COL1A2: variants seen among roughly 807,000 people sequenced by gnomAD.
COL1A2 encodes collagen alpha-2(I) chain.
COL1A2 carries 49 observed loss-of-function variants against 174.3 expected under a neutral mutation model. The observed-to-expected ratio is 0.28, with a 90% CI of 0.22 to 0.36. The LOEUF (loss-of-function observed/expected upper bound fraction) is 0.36, where lower values mean the gene tolerates loss of function less well. COL1A2 is among the 10% of genes least tolerant of loss of function. The pLI is 1.00. For missense variants in COL1A2, 1,438 were observed against 1,822.7 expected (o/e 0.79, Z 3.84); for synonymous variants, 655 against 606.6 (o/e 1.08, Z -1.17).
At chr7:94,410,316 A>G (rs761917331) in intron 20 of COL1A2, 21 bp downstream of exon 20, 2 of 1,613,638 alleles carry the variant, frequency 1.2e-6, no homozygotes, top group South Asian at 1.1e-5. Flanking sequence ...CTATCATCAC[A>G]CTTTTATAAA....
intron 46 of COL1A2, 54 bp from the exon 47 acceptor site, chr7:94,426,951 AAAT>A (rs1792291085): frequency 3.9e-6 from 6 of 1,524,524 alleles, no homozygotes; most frequent in African/African-American, 1.4e-5. Flanking sequence ...AAAAAAAAAA[AAAT>A]ATGTCTCTTG....
chr7:94,398,456 T>C, intron 3 of COL1A2, 60 bp downstream of exon 3: 1 of 742,864 alleles, frequency 1.3e-6, no homozygotes, highest in Non-Finnish European at 2.1e-6. Flanking sequence ...ATAATTTAAC[T>C]AAATTTATAG....
chr7:94,418,802 C>T (rs1792095110), intron 33 of COL1A2, among the ~76,000 whole-genome samples: 1 of 151,860 alleles, frequency 6.6e-6, no homozygotes, highest in Non-Finnish European at 1.5e-5. Context: ...ATGATACCAA[C>T]TACAAACTAT....
Position 94,415,220 on chromosome 7 carries a change from G to C in COL1A2, c.1720-6G>C. On this transcript the variant is annotated splice_polypyrimidine_tract_variant and splice_region_variant and intron_variant, in intron 29 of 51. Transcript: ENST00000297268. ...ATTTCATGCTTTATTCTCATGTTTT[G>C]TCTAGGGTCTCCATGGTGAGTTTGG... The C allele has an allele frequency of 1.2e-6, 2 of 1,612,956 alleles. No individual in the cohort carries two copies. The highest frequency in any genetic ancestry group is 1.7e-6 in the Non-Finnish European group (2 of 1,179,002).
intron 8 of COL1A2, 45 bp from the exon 9 acceptor site, chr7:94,404,794 T>C: frequency 6.2e-7 from 1 of 1,614,174 alleles, no homozygotes; most frequent in Non-Finnish European, 8.5e-7. Flanking sequence ...CCAGGAAGTT[T>C]ATGAATATAA....
chr7:94,403,476 A>G (rs2115871466), intron 6 of COL1A2, among the ~76,000 whole-genome samples: 1 of 152,328 alleles, frequency 6.6e-6, no homozygotes, highest in East Asian at 1.9e-4. Context: ...TTGCAAATAC[A>G]TGAAAAAATA....
Position 94,427,696 on chromosome 7 carries a change from G to T in COL1A2, c.3337G>T (p.Asp1113Tyr). The change falls in exon 49 of 52, where the codon GAT (aspartate) becomes TAT (tyrosine). Residue 1113 changes from aspartate (D) to tyrosine (Y), a missense_variant. Coordinates refer to ENST00000297268, the MANE Select transcript of COL1A2 (RefSeq NM_000089.4). ...CGGTGGTGGTTATGACTTTGGTTAC[G>T]ATGGAGACTTCTACAGGGCTGACCA... ...VSGGGYDFGYDGDFYRADQPR... is the reference protein window; with the variant it reads ...VSGGGYDFGYYGDFYRADQPR... 1 of 1,614,134 alleles carries T rather than the reference G, an allele frequency of 6.2e-7. No homozygotes were observed. Among genetic ancestry groups the T allele is most frequent in the Non-Finnish European group, 8.5e-7 (1 of 1,180,024 alleles).
chr7:94,427,469 G>A, intron 48 of COL1A2, 158 bp from the exon 49 acceptor site: 2 of 1,076,862 alleles, frequency 1.9e-6, no homozygotes, highest in South Asian at 1.4e-5. Flanking sequence ...ATCCCTGCAA[G>A]TGTGCCTGGG....
In COL1A2 at chr7:94,430,332, T is replaced by G. The variant is rs1382251883; in HGVS notation, c.4040T>G (p.Leu1347Trp). Residue 1347 changes from leucine (L) to tryptophan (W), a missense_variant, in exon 52 of 52, where the codon TTG (leucine) becomes TGG (tryptophan). By Grantham distance (61) the Leu-to-Trp change is moderately conservative (BLOSUM62 -2). Transcript: ENST00000297268. ...SRLPFLDIAP[L>W]DIGGADQEFF... Reference sequence around the variant, plus strand: ...CTGCCCTTCCTTGATATTGCACCTTTGGACATCGGTGGTGCTGACCAGGAA... The same window carrying G: ...CTGCCCTTCCTTGATATTGCACCTTGGGACATCGGTGGTGCTGACCAGGAA... 6.2e-7 allele frequency: 1 copy of G among 1,614,112 alleles called. No homozygotes were observed. The highest frequency in any genetic ancestry group is 8.5e-7 in the Non-Finnish European group (1 of 1,179,950).
At chr7:94,430,020 GT>G in intron 51 of COL1A2, 5 of 572,864 alleles carry the variant, frequency 8.7e-6, no homozygotes, top group Non-Finnish European at 1.2e-5. Context: ...AATGTTGTTG[GT>G]TTTTTTGGTT....
intron 36 of COL1A2, 39 bp downstream of exon 36, chr7:94,420,483 T>G: frequency 6.2e-7 from 1 of 1,614,112 alleles, no homozygotes; most frequent in Non-Finnish European, 8.5e-7. Context: ...GAAAACATCC[T>G]AAGTTGGGGA....
At chr7:94,420,885 C>T (rs1792145720) in intron 37 of COL1A2, 124 bp from the exon 38 acceptor site, 3 of 1,023,468 alleles carry the variant, frequency 2.9e-6, no homozygotes, top group African/African-American at 1.6e-5. Context: ...CATTCTGACA[C>T]AGATAGTCAT....
At chr7:94,419,622 C>G in intron 34 of COL1A2, 71 bp downstream of exon 34, 2 of 1,541,436 alleles carry the variant, frequency 1.3e-6, no homozygotes, top group Non-Finnish European at 9.0e-7. Context: ...CCAAAGAGCC[C>G]CAGCAATTCA....
intron 12 of COL1A2, among the ~76,000 whole-genome samples, chr7:94,406,876 A>G (rs1328792046): frequency 6.6e-6 from 1 of 152,232 alleles, no homozygotes; most frequent in East Asian, 1.9e-4. Context: ...GTGATATTAA[A>G]GTGAATACCA....
intron 23 of COL1A2, among the ~76,000 whole-genome samples, chr7:94,411,504 G>C (rs42521): frequency 0.35 from 53,723 of 151,866 alleles, 9,578 homozygotes; most frequent in Middle Eastern, 0.38. Flanking sequence ...ATACATTTTT[G>C]GTTTATTAGA....
At chr7:94,412,371 T>C (rs1791945373) in intron 24 of COL1A2, among the ~76,000 whole-genome samples, 1 of 151,392 alleles carries the variant, frequency 6.6e-6, no homozygotes, top group African/African-American at 2.4e-5. Context: ...GAGAAGGGAA[T>C]GAGGGAAATT....
chr7:94,404,620 A>G lies in COL1A2; in HGVS notation c.324+20A>G. 6.2e-7 allele frequency: 1 copy of G among 1,614,110 alleles called. No individual in the cohort carries two copies. The highest frequency in any genetic ancestry group is 8.5e-7 in the Non-Finnish European group (1 of 1,179,988). ...GCCCCAGTAAGTACTGAAAGCTTGT[A>G]ATGCCTCTTATGTAAAAAGACAGAG... On this transcript the variant is annotated intron_variant, in intron 7 of 51. Transcript: ENST00000297268.
intron 27 of COL1A2, 48 bp from the exon 28 acceptor site, chr7:94,413,846 A>C: frequency 6.2e-7 from 1 of 1,610,340 alleles, no homozygotes; most frequent in Non-Finnish European, 8.5e-7. Flanking sequence ...GCTAGACAAC[A>C]GTGGTGACAT....
At chr7:94,410,833 C>A (rs1258066755) in intron 21 of COL1A2, 56 bp from the exon 22 acceptor site, 3 of 1,579,516 alleles carry the variant, frequency 1.9e-6, no homozygotes, top group Non-Finnish European at 2.6e-6. Context: ...CAAACTCTAC[C>A]TTATCAAAGC....
Sources: gnomAD v4.1 joint callset for allele counts (sites outside exome capture counted in the v4.1 genomes callset) on GRCh38, gnomAD v4.1.1 for gene constraint, MANE v1.5 for transcripts, NCBI Gene and HGNC (gene_info 2026-07-23, HGNC 2026-07-21) for gene names.